SKA2: variants seen among roughly 807,000 people sequenced by gnomAD.
SKA2 encodes the protein spindle and kinetochore associated complex subunit 2, also known as spindle and kinetochore-associated protein 2.
In SKA2, 13 loss-of-function variants were observed where a neutral mutation model predicts 16.9. The ratio of observed to expected loss-of-function variants is 0.77; its 90% CI spans 0.50 to 1.22. The LOEUF (loss-of-function observed/expected upper bound fraction) is 1.22, where lower values mean the gene tolerates loss of function less well. SKA2 is among the 50% of genes most tolerant of loss of function. The probability of loss-of-function intolerance (pLI) is 0.00; values close to 1 mark genes in which losing one functional copy is unlikely to be tolerated. For synonymous variants in SKA2, 47 were observed against 48.5 expected (o/e 0.97, Z 0.13); for missense variants, 107 against 139.7 (o/e 0.77, Z 1.18).
chr17:59,150,995 GTTTTT>G, intron 1 of SKA2: 2 of 310,716 alleles, frequency 6.4e-6, no homozygotes, highest in South Asian at 5.1e-5. Flanking sequence ...TAGTTAAAAG[GTTTTT>G]TTTTTTCAAA....
At chr17:59,124,381 A>G (rs1175428288) in intron 2 of SKA2, 1 of 151,900 alleles carries the variant, frequency 6.6e-6, no homozygotes, top group African/African-American at 2.4e-5. Context: ...GCAGTGAGCC[A>G]TGATCATGCC....
chr17:59,131,153 G>A, intron 2 of SKA2, 128 bp downstream of exon 2: 1 of 619,594 alleles, frequency 1.6e-6, no homozygotes, highest in East Asian at 3.0e-5. Context: ...CACAATGCAA[G>A]ATTTTAAGAT....
Position 59,119,539 on chromosome 17 carries a change from T to TAA in SKA2, c.121-46_121-45dup, listed in dbSNP as rs369211783. On this transcript the variant is annotated intron_variant, in intron 2 of 3. Coordinates refer to ENST00000330137, the MANE Select transcript of SKA2 (RefSeq NM_182620.4). ...GAACATGTATTAAATTATGAAAGATTAAACTTTTTAAGAATTAAAATACTG... is the reference window on the plus strand; with the variant it reads ...GAACATGTATTAAATTATGAAAGATTAAAAACTTTTTAAGAATTAAAATACTG... 3.4e-4 allele frequency: 526 copies of TAA among 1,556,808 alleles called. 4 individuals carry two copies. The African/African-American group carries it at 6.2e-3, about 18-fold the overall frequency.
chr17:59,147,591 G>A (rs932301097), intron 1 of SKA2, among the ~76,000 whole-genome samples: 8 of 150,456 alleles, frequency 5.3e-5, no homozygotes, highest in Admixed American at 5.3e-4. Context: ...AATTCAATGC[G>A]TTTAGAACCC....
intron 1 of SKA2, among the ~76,000 whole-genome samples, chr17:59,143,144 A>C (rs1353216121): frequency 6.6e-6 from 1 of 152,100 alleles, no homozygotes. Context: ...ACAAGTATAG[A>C]ATAATCAATA....
At chr17:59,120,819 C>A (rs559808220) in intron 2 of SKA2, among the ~76,000 whole-genome samples, 1 of 152,048 alleles carries the variant, frequency 6.6e-6, no homozygotes, top group Non-Finnish European at 1.5e-5. Context: ...AAGAGAAAAT[C>A]TCCAATCTAG....
intron 2 of SKA2, among the ~76,000 whole-genome samples, chr17:59,130,245 A>T (rs578209390): frequency 2.2e-4 from 33 of 151,636 alleles, no homozygotes; most frequent in East Asian, 1.5e-3. Context: ...CCAAAAAAAA[A>T]TTTTTTTAAT....
chr17:59,135,747 A>T (rs192985617), intron 1 of SKA2, among the ~76,000 whole-genome samples: 4,113 of 149,886 alleles, frequency 0.027, 96 homozygotes, highest in African/African-American at 0.051. Flanking sequence ...AAATATATTT[A>T]AAAAATATAT....
At chr17:59,112,705 C>G (rs1363409930) in intron 3 of SKA2, among the ~76,000 whole-genome samples, 1 of 152,132 alleles carries the variant, frequency 6.6e-6, no homozygotes, top group African/African-American at 2.4e-5. Context: ...CACAGATGCT[C>G]AAGTCCCTTA....
chr17:59,109,968 T>G lies in SKA2; in HGVS notation c.*2309A>C, dbSNP rs1052115449. 5.3e-5 allele frequency: 8 copies of G among 152,234 alleles called. No homozygotes were observed. Among genetic ancestry groups the G allele is most frequent in the Non-Finnish European group, 1.0e-4 (7 of 68,038 alleles). The allele number at this position is 152,234 out of a possible 1,614,324, so 9.4% of individuals were successfully genotyped here. On this transcript the variant is annotated 3_prime_UTR_variant, in exon 4 of 4. Transcript: ENST00000330137. The stretch of plus-strand genomic sequence containing the variant: ...TATGACCATTTTAGAAAGAGGATTG[T>G]AGGTTTTATTGACTAAGAAGATAAA...
rs1230728451 is a variant in SKA2, at chr17:59,110,467, T to G, written c.*1810A>C. On this transcript the variant is annotated 3_prime_UTR_variant, in exon 4 of 4. Transcript: ENST00000330137. ...CTGAACACTGAAGAAAATTAATATC[T>G]GATACTAAGGTGTAACTTATTTCTC... The G allele has an allele frequency of 6.6e-6, 1 of 152,006 alleles. No individual in the cohort carries two copies. The highest frequency in any genetic ancestry group is 1.9e-4 in the East Asian group (1 of 5,192). 9.4% of individuals were successfully genotyped at this position (152,006 alleles called of 1,614,324 possible).
Position 59,151,136 on chromosome 17 carries a change from C to T in SKA2, c.33+3995G>A, listed in dbSNP as rs1185224594. Reference sequence around the variant, plus strand: ...TAAGAATCAAAATTCTGGCGTGCATCCTGCTTTCAGATGCTTTGACAATAC... The same window carrying T: ...TAAGAATCAAAATTCTGGCGTGCATTCTGCTTTCAGATGCTTTGACAATAC... On this transcript the variant is annotated intron_variant, in intron 1 of 3. Coordinates refer to ENST00000330137, the MANE Select transcript of SKA2 (RefSeq NM_182620.4). The T allele has an allele frequency of 9.9e-6, 5 of 504,102 alleles. 1 individual carries two copies. The highest frequency in any genetic ancestry group is 7.3e-5 in the South Asian group (5 of 68,100). 31.2% of individuals were successfully genotyped at this position (504,102 alleles called of 1,614,324 possible).
intron 2 of SKA2, among the ~76,000 whole-genome samples, chr17:59,129,687 C>A (rs1339545683): frequency 2.0e-5 from 3 of 151,810 alleles, no homozygotes; most frequent in Non-Finnish European, 4.4e-5. Flanking sequence ...AACCCCATCT[C>A]TACTAAAAAA....
intron 1 of SKA2, among the ~76,000 whole-genome samples, chr17:59,148,681 G>A (rs1383177667): frequency 2.0e-5 from 3 of 151,512 alleles, no homozygotes; most frequent in Admixed American, 1.3e-4. Flanking sequence ...GGTGGCACGT[G>A]CCTGTGGTCT....
intron 2 of SKA2, among the ~76,000 whole-genome samples, chr17:59,121,162 A>AC (rs1484721061): frequency 6.6e-6 from 1 of 151,790 alleles, no homozygotes; most frequent in Non-Finnish European, 1.5e-5. Context: ...AAAAAAAAAA[A>AC]AAAAAGAAAA....
At chr17:59,122,445 T>G (rs756986410) in intron 2 of SKA2, among the ~76,000 whole-genome samples, 1 of 151,960 alleles carries the variant, frequency 6.6e-6, no homozygotes, top group Non-Finnish European at 1.5e-5. Flanking sequence ...ACCTCATCTC[T>G]ACTAATAATA....
At chr17:59,113,035 C>A (rs1599654767) in intron 3 of SKA2, among the ~76,000 whole-genome samples, 2 of 152,058 alleles carry the variant, frequency 1.3e-5, no homozygotes, top group East Asian at 3.9e-4. Context: ...ACCTCAGCCT[C>A]CCGAGTAGCT....
intron 2 of SKA2, chr17:59,129,242 GGC>G (rs2046392949): frequency 6.6e-6 from 1 of 152,002 alleles, no homozygotes; most frequent in Admixed American, 6.6e-5. Flanking sequence ...CCAGGCACTT[GGC>G]GGACTGAGGT....
chr17:59,154,951 C>T, intron 1 of SKA2, 180 bp downstream of exon 1: 1 of 1,613,930 alleles, frequency 6.2e-7, no homozygotes, highest in South Asian at 1.1e-5. Flanking sequence ...GATGTAACCC[C>T]TTACCCGAGG....
Sources: gnomAD v4.1 joint callset for allele counts (sites outside exome capture counted in the v4.1 genomes callset) on GRCh38, gnomAD v4.1.1 for gene constraint, MANE v1.5 for transcripts, NCBI Gene and HGNC (gene_info 2026-07-23, HGNC 2026-07-21) for gene names.